ZNF430: variants seen among roughly 807,000 people sequenced by gnomAD.
ZNF430 encodes the protein zinc finger protein 430.
Under a neutral mutation model 56.7 loss-of-function variants are expected in ZNF430, and 35 were observed. The observed-to-expected ratio is 0.62, with a 90% CI of 0.47 to 0.82. ZNF430 has a LOEUF of 0.82. ZNF430 is among the 40% of genes least tolerant of loss of function. ZNF430 has a pLI of 0.00. For missense variants in ZNF430, 574 were observed against 661.0 expected (o/e 0.87, Z 1.44); for synonymous variants, 212 against 224.3 (o/e 0.94, Z 0.49).
At position 21,027,103 on chromosome 19, in the gene ZNF430, C is replaced by T. The variant is rs769179850; in HGVS notation, c.96+4222C>T. On this transcript the variant is annotated intron_variant, in intron 2 of 4. Transcript: ENST00000261560. The stretch of plus-strand genomic sequence containing the variant: ...TCAGCCTCCCAAAGTGCTGGGATTA[C>T]AGGCGTGAGCCCCCATGCCCGGCAG... Among the ~76,000 whole-genome samples the T allele has an allele frequency of 2.6e-4, 39 of 152,082 alleles. 1 individual carries two copies. Among genetic ancestry groups the T allele is most frequent in the Admixed American group, 1.5e-3 (23 of 15,260 alleles).
chr19:21,051,689 T>A (rs1599506958), intron 4 of ZNF430, among the ~76,000 whole-genome samples: 1 of 152,124 alleles, frequency 6.6e-6, no homozygotes, highest in Admixed American at 6.6e-5. Context: ...AGATGGGGTT[T>A]TATGTTGGCC....
At chr19:21,032,463 C>T (rs922100293) in intron 2 of ZNF430, among the ~76,000 whole-genome samples, 3 of 152,190 alleles carry the variant, frequency 2.0e-5, no homozygotes, top group Non-Finnish European at 4.4e-5. Context: ...TGTGGTGGCT[C>T]ACACCTGTAA....
At chr19:21,047,441 T>C (rs957802580) in intron 4 of ZNF430, among the ~76,000 whole-genome samples, 1 of 152,164 alleles carries the variant, frequency 6.6e-6, no homozygotes, top group Non-Finnish European at 1.5e-5. Flanking sequence ...TTCAGCATTT[T>C]TTGGTTTATT....
rs1163231609 is a variant in ZNF430 at position 21,059,738 on chromosome 19, G to T, written c.*1717G>T. 6.6e-6 allele frequency: 1 copy of T among 151,912 alleles called. No homozygotes were observed. The highest frequency in any genetic ancestry group is 1.9e-4 in the East Asian group (1 of 5,188). 9.4% of individuals were successfully genotyped at this position (151,912 alleles called of 1,614,324 possible). ...TTCCTACTGTTTCTTTATTCCAGTTGTATTCACATGTGAAAGCATGTGATC... is the reference window on the plus strand; with the variant it reads ...TTCCTACTGTTTCTTTATTCCAGTTTTATTCACATGTGAAAGCATGTGATC... On this transcript the variant is annotated 3_prime_UTR_variant, in exon 5 of 5. Coordinates refer to ENST00000261560, the MANE Select transcript of ZNF430 (RefSeq NM_025189.4).
intron 4 of ZNF430, among the ~76,000 whole-genome samples, chr19:21,048,719 C>T (rs1488989843): frequency 2.6e-5 from 4 of 151,980 alleles, no homozygotes; most frequent in South Asian, 4.1e-4. Context: ...GACGGGGTGG[C>T]GGCTGGGCAG....
intron 2 of ZNF430, among the ~76,000 whole-genome samples, chr19:21,024,409 C>T (rs565103876): frequency 6.6e-6 from 1 of 152,174 alleles, no homozygotes; most frequent in African/African-American, 2.4e-5. Flanking sequence ...GAGGAAATAC[C>T]AACTGTAAGA....
In ZNF430 at chr19:21,056,727, A is replaced by C. The variant is rs751035178; in HGVS notation, c.419A>C (p.His140Pro). 1.2e-6 allele frequency: 2 copies of C among 1,611,048 alleles called. No homozygotes were observed. The highest frequency in any genetic ancestry group is 4.5e-5 in the East Asian group (2 of 44,834). ...VILRRYGKCG[H>P]EDLQLRTGCK... ...TTGAGAAGATATGGAAAATGTGGAC[A>C]TGAAGATTTACAGTTAAGAACAGGC... The change falls in exon 5 of 5, where the codon CAT becomes CCT. Residue 140 changes from histidine (H) to proline (P), a missense_variant. Physicochemically the swap from His to Pro is moderately conservative, Grantham distance 77 (BLOSUM62 -2). Transcript: ENST00000261560.
At chr19:21,027,381 T>C (rs1787498379) in intron 2 of ZNF430, among the ~76,000 whole-genome samples, 1 of 152,182 alleles carries the variant, frequency 6.6e-6, no homozygotes, top group Non-Finnish European at 1.5e-5. Flanking sequence ...TGAAAGTATT[T>C]TTAGCATCTA....
At chr19:21,022,488 CTGTT>C (rs1967711506) in intron 1 of ZNF430, among the ~76,000 whole-genome samples, 1 of 152,100 alleles carries the variant, frequency 6.6e-6, no homozygotes, top group Non-Finnish European at 1.5e-5. Flanking sequence ...GATTTGTTAT[CTGTT>C]TGTAAATATT....
In ZNF430 at chr19:21,020,682, G is replaced by T; in HGVS notation, c.-119G>T. Reference sequence around the variant, plus strand: ...GTCCCTCGCTGTGGCCTGAGCTCCAGGTCTCGTCTTCAGCGCTCTGTGTCC... The same window carrying T: ...GTCCCTCGCTGTGGCCTGAGCTCCATGTCTCGTCTTCAGCGCTCTGTGTCC... On this transcript the variant is annotated 5_prime_UTR_variant, in exon 1 of 5. In the 5' UTR this introduces an upstream ATG that the reference lacks. Transcript: ENST00000261560. The T allele has an allele frequency of 6.9e-7, 1 of 1,453,118 alleles. No homozygotes were observed. The highest frequency in any genetic ancestry group is 9.6e-7 in the Non-Finnish European group (1 of 1,042,284). The allele number at this position is 1,453,118 out of a possible 1,614,324, so 90.0% of individuals were successfully genotyped here.
intron 2 of ZNF430, among the ~76,000 whole-genome samples, chr19:21,031,940 A>C (rs1476078135): frequency 4.6e-5 from 7 of 152,324 alleles, no homozygotes; most frequent in African/African-American, 1.7e-4. Context: ...TATATACCAG[A>C]GCTTTCTCTA....
At position 21,056,611 on chromosome 19, in the gene ZNF430, G is replaced by A. The variant is rs777188984; in HGVS notation, c.323-20G>A. ...CTGAGTCTAGTAAATGGAGTAATTT[G>A]TTATTTTTATTTCTTTCAGTTACAT... On this transcript the variant is annotated intron_variant, in intron 4 of 4. Coordinates refer to ENST00000261560, the MANE Select transcript of ZNF430 (RefSeq NM_025189.4). The A allele has an allele frequency of 2.0e-6, 3 of 1,481,876 alleles. No individual in the cohort carries two copies. The highest frequency in any genetic ancestry group is 1.8e-4 in the Middle Eastern group (1 of 5,564). 91.8% of individuals were successfully genotyped at this position (1,481,876 alleles called of 1,614,324 possible). A position where few individuals can be genotyped will look rare whatever the true frequency, so the allele number is the denominator to read the frequency against.
Position 21,058,020 on chromosome 19 carries a change from G to C in ZNF430, c.1712G>C (p.Ter571SerextTer7), listed in dbSNP as rs373106004. The C allele has an allele frequency of 5.0e-6, 8 of 1,609,920 alleles. No homozygotes were observed. The African/African-American group carries it at 1.1e-4, about 22-fold the overall frequency. ...TACTGGAGAGAAACCCTACAAATGT[G>C]AAGATTGTGGCAAAGCCTCTAACCC... ...NSYWRETLQM* is the reference protein window; with the variant it reads ...NSYWRETLQMS Residue 571 changes from the stop codon to serine (S), a stop_lost, in exon 5 of 5, where the codon TGA becomes TCA. Coordinates refer to ENST00000261560, the MANE Select transcript of ZNF430 (RefSeq NM_025189.4).
In ZNF430 at chr19:21,057,871, C is replaced by T; in HGVS notation, c.1563C>T (p.Ala521=). 6.2e-7 allele frequency: 1 copy of T among 1,613,658 alleles called. No homozygotes were observed. Among genetic ancestry groups the T allele is most frequent in the East Asian group, 2.2e-5 (1 of 44,832 alleles). Residue 521 remains alanine, a synonymous_variant, in exon 5 of 5, where the codon GCC becomes GCT. Transcript: ENST00000261560. The part of the protein sequence containing the change: ...TSYKYLECDK[A]FSQSSTLTKH... ...ACAAATACCTAGAATGTGATAAAGC[C>T]TTTAGCCAGTCTTCAACTCTTACTA...
intron 4 of ZNF430, 127 bp downstream of exon 4, chr19:21,034,311 T>C (rs1967955591): frequency 1.3e-6 from 1 of 745,610 alleles, no homozygotes; most frequent in Admixed American, 2.9e-5. Context: ...CTGAGTTTTT[T>C]TTTTTAATTT....
intron 4 of ZNF430, among the ~76,000 whole-genome samples, chr19:21,048,659 G>A (rs1264726380): frequency 2.6e-5 from 4 of 151,588 alleles, no homozygotes; most frequent in Non-Finnish European, 5.9e-5. Flanking sequence ...CGACAAAACC[G>A]CCATCGTCAT....
chr19:21,058,425 C>A lies in ZNF430; in HGVS notation c.*404C>A. 6.5e-6 allele frequency: 1 copy of A among 153,988 alleles called. No individual in the cohort carries two copies. The highest frequency in any genetic ancestry group is 1.4e-5 in the Non-Finnish European group (1 of 70,836). The allele number at this position is 153,988 out of a possible 1,614,324, so 9.5% of individuals were successfully genotyped here. ...CGCCATTGCACTCCAGCCTGGGCAA[C>A]AAGAGTGGCACTCCATCTCAGAAAA... On this transcript the variant is annotated 3_prime_UTR_variant, in exon 5 of 5. Transcript: ENST00000261560.
chr19:21,034,625 C>A (rs1967963650), intron 4 of ZNF430: 1 of 152,516 alleles, frequency 6.6e-6, no homozygotes, highest in Non-Finnish European at 1.5e-5. Context: ...GCAACCTCTG[C>A]CTCCTGGATT....
At chr19:21,039,124 AT>A (rs1968056726) in intron 4 of ZNF430, among the ~76,000 whole-genome samples, 1 of 151,772 alleles carries the variant, frequency 6.6e-6, no homozygotes. Flanking sequence ...TAACTTTTGT[AT>A]TTTTAGTAGA....
Sources: allele counts gnomAD v4.1 joint callset (sites outside exome capture counted in the v4.1 genomes callset), GRCh38; gene constraint gnomAD v4.1.1; transcripts MANE v1.5; gene names NCBI Gene and HGNC (gene_info 2026-07-23, HGNC 2026-07-21).